The following MAML3 variants were observed in gnomAD, a reference collection of about 807,000 sequenced individuals.
The protein encoded by MAML3 is mastermind-like protein 3.
In MAML3, 27 loss-of-function variants were observed where a neutral mutation model predicts 101.9. The ratio of observed to expected loss-of-function variants is 0.27; its 90% CI spans 0.20 to 0.37. MAML3 has a LOEUF of 0.37. Among genes scored for constraint, MAML3 ranks in the 10% least tolerant of loss-of-function variants. MAML3 has a pLI of 1.00. For synonymous variants in MAML3, 501 were observed against 555.9 expected (o/e 0.90, Z 1.39); for missense variants, 1,316 against 1,444.9 (o/e 0.91, Z 1.45).
rs1195090646 is a variant in MAML3 at position 140,153,252 on chromosome 4, GGCT to G, written c.73_75del (p.Ser25del). On this transcript the variant is annotated inframe_deletion, in exon 1 of 5. Coordinates refer to ENST00000509479, the MANE Select transcript of MAML3 (RefSeq NM_018717.5). ...TTCACACCGATCCCGGCCCCGCCGA[GGCT>G]GCTGTTCAGGCTACTGTTGATGCAA... is the stretch of plus-strand genomic sequence containing the variant. 1.0e-5 allele frequency: 16 copies of G among 1,605,374 alleles called. No homozygotes were observed. The highest frequency in any genetic ancestry group is 5.6e-5 in the South Asian group (5 of 89,622).
chr4:140,089,715 G>A (rs77355492), intron 1 of MAML3, among the ~76,000 whole-genome samples: 2 of 152,326 alleles, frequency 1.3e-5, no homozygotes, highest in Non-Finnish European at 2.9e-5. Context: ...GGGATGGAGA[G>A]CAGATCAGTG....
Position 140,153,413 on chromosome 4 carries a change from G to T in MAML3, c.-86C>A. 1 of 1,282,620 alleles carries T rather than the reference G, an allele frequency of 7.8e-7. No homozygotes were observed. Among genetic ancestry groups the T allele is most frequent in the Admixed American group, 3.7e-5 (1 of 26,930 alleles). The allele number at this position is 1,282,620 out of a possible 1,614,324, so 79.5% of individuals were successfully genotyped here. A position where few individuals can be genotyped will look rare whatever the true frequency, so the allele number is the denominator to read the frequency against. Reference sequence around the variant, plus strand: ...CTCCTTGGGTCCAAGGATTAAAATAGTTTAAGTGGAACGCGGGGGAGACGC... The same window carrying T: ...CTCCTTGGGTCCAAGGATTAAAATATTTTAAGTGGAACGCGGGGGAGACGC... On this transcript the variant is annotated 5_prime_UTR_variant, in exon 1 of 5. Transcript: ENST00000509479.
intron 2 of MAML3, among the ~76,000 whole-genome samples, chr4:139,830,515 C>T (rs949846124): frequency 6.6e-6 from 1 of 151,052 alleles, no homozygotes; most frequent in African/African-American, 2.4e-5. Flanking sequence ...CCCGGGTTCC[C>T]GCCATTCTCC....
Position 139,840,214 on chromosome 4 carries a change from C to T in MAML3, c.2079+49143G>A, listed in dbSNP as rs1253067855. Among the ~76,000 whole-genome samples the T allele has an allele frequency of 3.3e-5, 5 of 152,172 alleles. No homozygotes were observed. In the South Asian group the frequency reaches 6.2e-4, roughly 19 times the overall value. ...CCCTGGGATCCTCCCTTCATAGCTACGTACTGGGCATACAGAAAAAGAAAG... is the reference window on the plus strand; with the variant it reads ...CCCTGGGATCCTCCCTTCATAGCTATGTACTGGGCATACAGAAAAAGAAAG... On this transcript the variant is annotated intron_variant, in intron 2 of 4. Coordinates refer to ENST00000509479, the MANE Select transcript of MAML3 (RefSeq NM_018717.5).
chr4:140,135,463 C>G (rs1728867702), intron 1 of MAML3, among the ~76,000 whole-genome samples: 1 of 152,242 alleles, frequency 6.6e-6, no homozygotes, highest in African/African-American at 2.4e-5. Flanking sequence ...AATGTAGCCA[C>G]TGGGCTGCTG....
intron 2 of MAML3, among the ~76,000 whole-genome samples, chr4:139,868,497 G>A (rs1162529564): frequency 2.6e-5 from 4 of 152,244 alleles, no homozygotes; most frequent in South Asian, 2.1e-4. Flanking sequence ...AGTTTTACAC[G>A]GAAGTTAAGC....
intron 2 of MAML3, among the ~76,000 whole-genome samples, chr4:139,815,671 G>GTAC (rs1325554404): frequency 2.6e-5 from 4 of 152,046 alleles, no homozygotes; most frequent in South Asian, 2.1e-4. Context: ...TTTTTTAAAG[G>GTAC]TACTACTACT....
chr4:139,900,052 C>A (rs1420131093), intron 1 of MAML3, among the ~76,000 whole-genome samples: 1 of 83,408 alleles, frequency 1.2e-5, no homozygotes, highest in African/African-American at 4.0e-5. Context: ...TACGGGGGCA[C>A]CGCGGAGCCC....
chr4:140,035,301 C>A (rs1726967666), intron 1 of MAML3, among the ~76,000 whole-genome samples: 2 of 152,062 alleles, frequency 1.3e-5, no homozygotes, highest in South Asian at 4.1e-4. Flanking sequence ...AGGTGAAACC[C>A]TGAAAAACAG....
chr4:139,855,810 A>C (rs1272392904), intron 2 of MAML3, among the ~76,000 whole-genome samples: 1 of 152,200 alleles, frequency 6.6e-6, no homozygotes, highest in African/African-American at 2.4e-5. Flanking sequence ...GCAGCAAAAA[A>C]TTTTATGAGT....
intron 1 of MAML3, among the ~76,000 whole-genome samples, chr4:139,961,585 T>C (rs2110775186): frequency 6.6e-6 from 1 of 152,308 alleles, no homozygotes; most frequent in African/African-American, 2.4e-5. Flanking sequence ...TGTGCCTGGA[T>C]TTCTAGTTCC....
chr4:139,939,621 T>A (rs1343208504), intron 1 of MAML3, among the ~76,000 whole-genome samples: 2 of 152,154 alleles, frequency 1.3e-5, no homozygotes, highest in African/African-American at 4.8e-5. Flanking sequence ...TGTTAATATC[T>A]CCAATGATAG....
rs1457995769 is a variant in MAML3, at chr4:139,762,811, C to T, written c.2080-32144G>A. ...TGTAGACCTCGTTGACCCTAACAAC[C>T]ATCTGACGGGGCTTTAATCTGGTGG... On this transcript the variant is annotated intron_variant, in intron 2 of 4. Transcript: ENST00000509479. Among the ~76,000 whole-genome samples the T allele has an allele frequency of 5.3e-5, 8 of 152,248 alleles. No homozygotes were observed. The East Asian group carries it at 1.2e-3, about 22-fold the overall frequency.
chr4:139,786,825 C>G (rs142328547), intron 2 of MAML3, among the ~76,000 whole-genome samples: 4 of 152,130 alleles, frequency 2.6e-5, no homozygotes, highest in Admixed American at 2.6e-4. Flanking sequence ...CAGGTTAATG[C>G]TAGTACAGTT....
intron 1 of MAML3, among the ~76,000 whole-genome samples, chr4:140,064,628 C>A (rs1016811053): frequency 6.6e-6 from 1 of 152,184 alleles, no homozygotes; most frequent in Non-Finnish European, 1.5e-5. Context: ...CAATAAGGAA[C>A]AAAACTTGAG....
chr4:139,757,202 T>C (rs1338844546), intron 2 of MAML3, among the ~76,000 whole-genome samples: 1 of 152,156 alleles, frequency 6.6e-6, no homozygotes, highest in Non-Finnish European at 1.5e-5. Context: ...TGGCATTTCA[T>C]TGGTCCAGGC....
rs1427728681 is a variant in MAML3 at position 139,863,343 on chromosome 4, C to T, written c.2079+26014G>A. On this transcript the variant is annotated intron_variant, in intron 2 of 4. Coordinates refer to ENST00000509479, the MANE Select transcript of MAML3 (RefSeq NM_018717.5). Reference sequence around the variant, plus strand: ...CACATTACACACTTTTTCCTGTGCCCTTTTTTTTTTTTTTTTTTCCTTTTG... The same window carrying T: ...CACATTACACACTTTTTCCTGTGCCTTTTTTTTTTTTTTTTTTTCCTTTTG... Among the ~76,000 whole-genome samples, 14 of 120,530 alleles carry T rather than the reference C, an allele frequency of 1.2e-4. No individual in the cohort carries two copies. In the East Asian group the frequency reaches 1.3e-3, roughly 12 times the overall value. 79.1% of individuals were successfully genotyped at this position (120,530 alleles called of 152,430 possible).
chr4:140,062,865 C>G (rs1727469823), intron 1 of MAML3, among the ~76,000 whole-genome samples: 4 of 152,192 alleles, frequency 2.6e-5, no homozygotes, highest in Admixed American at 2.6e-4. Flanking sequence ...TTCCTTGAGT[C>G]TACTCATCAG....
chr4:139,832,555 C>A (rs1731186757), intron 2 of MAML3, among the ~76,000 whole-genome samples: 1 of 152,288 alleles, frequency 6.6e-6, no homozygotes, highest in Non-Finnish European at 1.5e-5. Context: ...CACCTTTATT[C>A]ACTGTTTCTT....
Sources: gnomAD v4.1 joint callset for allele counts (sites outside exome capture counted in the v4.1 genomes callset) on GRCh38, gnomAD v4.1.1 for gene constraint, MANE v1.5 for transcripts, NCBI Gene and HGNC (gene_info 2026-07-23, HGNC 2026-07-21) for gene names.